Variants in ABCB5 observed in about 807,000 individuals in gnomAD.
ABCB5 encodes the protein ATP-binding cassette sub-family B member 5.
A neutral mutation model predicts 144.2 loss-of-function variants in ABCB5; 155 were observed. That is an observed-to-expected ratio of 1.08 (90% CI 0.94 to 1.23). The LOEUF (loss-of-function observed/expected upper bound fraction) is 1.23. Ranked by LOEUF, ABCB5 falls within the 50% of genes most tolerant of loss-of-function variation. The pLI, the probability that ABCB5 is intolerant of heterozygous loss-of-function variation, is 0.00. For synonymous variants in ABCB5, 610 were observed against 528.6 expected, an observed-to-expected ratio of 1.15 and a Z score of -2.11; for missense variants, 1,830 against 1,520.8, an observed-to-expected ratio of 1.20 and a Z score of -3.38.
intron 19 of ABCB5, among the ~76,000 whole-genome samples, chr7:20,701,086 A>G (rs988277231): frequency 6.6e-6 from 1 of 152,092 alleles, no homozygotes; most frequent in East Asian, 1.9e-4. Context: ...GTGACCTTAC[A>G]CCTTCTGTGC....
chr7:20,618,764 CTTTTTTTTTTTTT>C (rs59970398), intron 1 of ABCB5, among the ~76,000 whole-genome samples: 1 of 51,544 alleles, frequency 1.9e-5, no homozygotes, highest in African/African-American at 7.6e-5. Context: ...GCTGCATTTT[CTTTTTTTTTTTTT>C]TTTTTTTTTT....
chr7:20,695,098 G>A (rs536409112), intron 16 of ABCB5, among the ~76,000 whole-genome samples: 10 of 152,000 alleles, frequency 6.6e-5, no homozygotes, highest in East Asian at 3.9e-4. Context: ...GAGCAAAGTT[G>A]GAAGAGGGAT....
intron 2 of ABCB5, 73 bp downstream of exon 2, chr7:20,623,411 C>CA: frequency 4.1e-6 from 5 of 1,220,866 alleles, no homozygotes; most frequent in South Asian, 1.4e-5. Flanking sequence ...ACACCTATAG[C>CA]AAAAATGTTT....
intron 7 of ABCB5, among the ~76,000 whole-genome samples, chr7:20,644,951 G>T (rs1186746736): frequency 1.3e-5 from 2 of 152,204 alleles, no homozygotes; most frequent in African/African-American, 4.8e-5. Flanking sequence ...TCAGTAGAAA[G>T]ATTGCCTGCA....
At chr7:20,654,063 T>A (rs1363123349) in intron 13 of ABCB5, among the ~76,000 whole-genome samples, 5 of 152,186 alleles carry the variant, frequency 3.3e-5, no homozygotes, top group Admixed American at 2.0e-4. Context: ...GAGGTTGTGT[T>A]CTGCCAAGTT....
rs371214789 is a variant in ABCB5, at chr7:20,688,782, G to T, written c.2010+2946G>T. ...GGCACATATACACCATGGAATACTA[G>T]GCAGCCATAAAAAAGGATGAGTTCA... On this transcript the variant is annotated intron_variant, in intron 16 of 27. Transcript: ENST00000404938. 9.3e-4 allele frequency among the ~76,000 whole-genome samples: 142 copies of T among 152,182 alleles called. 3 individuals are homozygous for T. Among genetic ancestry groups the T allele is most frequent in the South Asian group, 3.7e-3 (18 of 4,814 alleles).
chr7:20,635,105 T>A (rs1410022039), intron 5 of ABCB5, among the ~76,000 whole-genome samples: 1 of 152,122 alleles, frequency 6.6e-6, no homozygotes, highest in African/African-American at 2.4e-5. Flanking sequence ...GGGTCCAGTT[T>A]TATTCTTTTG....
intron 14 of ABCB5, among the ~76,000 whole-genome samples, chr7:20,679,739 T>C (rs191740299): frequency 2.4e-4 from 36 of 152,272 alleles, no homozygotes; most frequent in South Asian, 8.3e-4. Flanking sequence ...AATATGATAG[T>C]TCTCACCCAT....
rs1218201067 is a variant in ABCB5 at position 20,658,619 on chromosome 7, G to A, written c.1650G>A (p.Glu550=). ...ACCCCAAGATTCTGATTTTAGATGA[G>A]GCTACGTCTGCCCTGGATTCAGAAA... ...VRNPKILILD[E]ATSALDSESK... The change falls in exon 14 of 28, where the codon GAG becomes GAA. Residue 550 remains glutamate, a synonymous_variant. Coordinates refer to ENST00000404938, the MANE Select transcript of ABCB5 (RefSeq NM_001163941.2). 2.5e-6 allele frequency: 4 copies of A among 1,614,024 alleles called. No homozygotes were observed. Among genetic ancestry groups the A allele is most frequent in the Non-Finnish European group, 2.5e-6 (3 of 1,180,034 alleles).
chr7:20,642,099 A>C (rs1304206196), intron 5 of ABCB5, among the ~76,000 whole-genome samples: 1 of 152,196 alleles, frequency 6.6e-6, no homozygotes, highest in Non-Finnish European at 1.5e-5. Flanking sequence ...TTCTCCACAG[A>C]GAAGCTGGAG....
At chr7:20,703,369 T>C (rs1056335518) in intron 19 of ABCB5, among the ~76,000 whole-genome samples, 11 of 152,202 alleles carry the variant, frequency 7.2e-5, no homozygotes, top group Non-Finnish European at 1.5e-4. Context: ...GTGGCTACTG[T>C]CCGGTGCAGA....
intron 15 of ABCB5, among the ~76,000 whole-genome samples, chr7:20,682,212 G>T (rs141194214): frequency 6.5e-4 from 99 of 152,044 alleles, no homozygotes; most frequent in African/African-American, 2.4e-3. Context: ...TCAAAAAAAC[G>T]AACAAACAAA....
intron 25 of ABCB5, among the ~76,000 whole-genome samples, chr7:20,743,759 A>C (rs1191410088): frequency 1.3e-5 from 2 of 152,022 alleles, no homozygotes; most frequent in African/African-American, 4.8e-5. Context: ...GTTAGTCCTC[A>C]TTCTCCTGCA....
chr7:20,723,312 T>A (rs1781934309), intron 21 of ABCB5, 93 bp downstream of exon 21: 1 of 1,285,436 alleles, frequency 7.8e-7, no homozygotes, highest in East Asian at 2.5e-5. Context: ...GTTAACCATC[T>A]TTATGATATA....
chr7:20,730,465 C>T (rs1238237455), intron 23 of ABCB5, among the ~76,000 whole-genome samples: 2 of 152,194 alleles, frequency 1.3e-5, no homozygotes, highest in Non-Finnish European at 1.5e-5. Flanking sequence ...GCCAAGATCA[C>T]ACCACTGCAC....
intron 20 of ABCB5, among the ~76,000 whole-genome samples, chr7:20,711,868 C>T (rs71530674): frequency 0.53 from 26,555 of 50,526 alleles, 7,735 homozygotes; most frequent in East Asian, 0.9. Flanking sequence ...TTTCCTTCCT[C>T]CCTCCCTCCC....
At chr7:20,673,882 C>T (rs1785526522) in intron 14 of ABCB5, among the ~76,000 whole-genome samples, 1 of 151,806 alleles carries the variant, frequency 6.6e-6, no homozygotes, top group Non-Finnish European at 1.5e-5. Context: ...TAAGTGAGTA[C>T]TTTTTATGAT....
intron 5 of ABCB5, among the ~76,000 whole-genome samples, chr7:20,636,022 C>T (rs1280606490): frequency 6.6e-6 from 1 of 152,162 alleles, no homozygotes; most frequent in Non-Finnish European, 1.5e-5. Context: ...TACAGTACAG[C>T]ATAGATACTG....
chr7:20,725,477 G>A (rs532456981), intron 21 of ABCB5, among the ~76,000 whole-genome samples: 1 of 152,300 alleles, frequency 6.6e-6, no homozygotes, highest in East Asian at 1.9e-4. Flanking sequence ...TACTCAGGAG[G>A]CTAAGGCAGG....
Sources: gnomAD v4.1 joint callset for allele counts (sites outside exome capture counted in the v4.1 genomes callset) on GRCh38, gnomAD v4.1.1 for gene constraint, MANE v1.5 for transcripts, NCBI Gene and HGNC (gene_info 2026-07-23, HGNC 2026-07-21) for gene names.